RC3H1: variants seen among roughly 807,000 people sequenced by gnomAD.
The protein encoded by RC3H1 is roquin-1.
In RC3H1, 50 loss-of-function variants were observed where a neutral mutation model predicts 138.2. That is an observed-to-expected ratio of 0.36 (90% CI 0.29 to 0.46). The LOEUF (loss-of-function observed/expected upper bound fraction) is 0.46, where lower values mean the gene tolerates loss of function less well. RC3H1 is among the 20% of genes least tolerant of loss of function. RC3H1 has a pLI of 1.00. For missense variants in RC3H1, 1,031 were observed against 1,388.1 expected (o/e 0.74, Z 4.09); for synonymous variants, 462 against 489.1 (o/e 0.94, Z 0.73).
In RC3H1 at chr1:173,961,916, C is replaced by A. The variant is rs761244762; in HGVS notation, c.2011G>T (p.Asp671Tyr). 1 of 1,614,066 alleles carries A rather than the reference C, an allele frequency of 6.2e-7. No homozygotes were observed. Among genetic ancestry groups the A allele is most frequent in the South Asian group, 1.1e-5 (1 of 91,076 alleles). Residue 671 changes from aspartate to tyrosine, a missense_variant, in exon 12 of 20, where the codon GAT (aspartate) becomes TAT (tyrosine). Physicochemically the swap from Asp to Tyr is radical, Grantham distance 160. Around this residue, in one of 7 missense-constraint regions of RC3H1, gnomAD observed 716 missense variants for 837.9 expected, o/e 0.85. Transcript: ENST00000367696. The stretch of plus-strand genomic sequence containing the variant: ...GGAGCAGGGTACACTCGACGGCCAT[C>A]ATAGTGAGATGGGTATATAGGTGGG... ...QYPPIYPSHY[D>Y]GRRVYPAPSY...
chr1:174,015,412 G>C (rs149228089), intron 1 of RC3H1, among the ~76,000 whole-genome samples: 1,806 of 151,420 alleles, frequency 0.012, 43 homozygotes, highest in African/African-American at 0.042. Context: ...GCCCAGGCTG[G>C]AGTGCAGTGG....
chr1:173,983,345 T>G, intron 4 of RC3H1, 73 bp downstream of exon 4: 1 of 1,540,162 alleles, frequency 6.5e-7, no homozygotes, highest in African/African-American at 1.4e-5. Context: ...CTAGGCTTTG[T>G]ACATCACTTA....
chr1:173,956,041 G>C (rs1659629823), intron 13 of RC3H1, among the ~76,000 whole-genome samples: 2 of 148,412 alleles, frequency 1.3e-5, no homozygotes, highest in African/African-American at 5.1e-5. Flanking sequence ...TGAAGCAGGA[G>C]AATCACTTGA....
chr1:173,960,696 A>G (rs1659834025), intron 13 of RC3H1, among the ~76,000 whole-genome samples: 1 of 152,208 alleles, frequency 6.6e-6, no homozygotes, highest in South Asian at 2.1e-4. Context: ...ACATATTGAG[A>G]CTTATTATAA....
At chr1:173,948,559 C>T (rs1659237143) in intron 14 of RC3H1, among the ~76,000 whole-genome samples, 1 of 152,110 alleles carries the variant, frequency 6.6e-6, no homozygotes, top group Admixed American at 6.5e-5. Context: ...AGACTTCTTT[C>T]ACCTATTTGG....
intron 2 of RC3H1, among the ~76,000 whole-genome samples, chr1:173,989,138 T>C (rs1179033657): frequency 6.6e-6 from 1 of 152,232 alleles, no homozygotes; most frequent in East Asian, 1.9e-4. Flanking sequence ...GCTCAGATGA[T>C]GCTGCCACCT....
At chr1:173,962,499 C>T (rs1389715110) in intron 11 of RC3H1, among the ~76,000 whole-genome samples, 1 of 152,172 alleles carries the variant, frequency 6.6e-6, no homozygotes, top group Non-Finnish European at 1.5e-5. Context: ...CACAAAAGGC[C>T]AATTTTGCTG....
At chr1:174,021,389 T>C (rs961448968) in intron 1 of RC3H1, among the ~76,000 whole-genome samples, 8 of 152,226 alleles carry the variant, frequency 5.3e-5, no homozygotes, top group South Asian at 2.1e-4. Context: ...CTGATGTTTA[T>C]AGAACTGATA....
chr1:173,964,096 C>T lies in RC3H1; in HGVS notation c.1708G>A (p.Val570Ile). The T allele has an allele frequency of 6.2e-7, 1 of 1,614,086 alleles. No individual in the cohort carries two copies. Among genetic ancestry groups the T allele is most frequent in the Non-Finnish European group, 8.5e-7 (1 of 1,180,002 alleles). Residue 570 changes from valine (V) to isoleucine (I), a missense_variant, in exon 11 of 20, where the codon GTT becomes ATT. Physicochemically the swap from Val to Ile is conservative, Grantham distance 29 (BLOSUM62 3). Transcript: ENST00000367696. Reference protein sequence around the residue: ...RGPADLPPMPVTKPLQMVPRG... With the variant: ...RGPADLPPMPITKPLQMVPRG... ...GGTACCATCTGAAGTGGTTTGGTAACAGGCATTGGAGGCAGATCTGCTGGC... is the reference window on the plus strand; with the variant it reads ...GGTACCATCTGAAGTGGTTTGGTAATAGGCATTGGAGGCAGATCTGCTGGC...
intron 5 of RC3H1, among the ~76,000 whole-genome samples, chr1:173,982,020 A>T (rs772886584): frequency 4.6e-5 from 7 of 152,234 alleles, no homozygotes; most frequent in Non-Finnish European, 8.8e-5. Context: ...TTACCATATA[A>T]ACTGAAATGG....
intron 1 of RC3H1, among the ~76,000 whole-genome samples, chr1:174,007,249 G>A (rs1357554542): frequency 6.6e-6 from 1 of 152,004 alleles, no homozygotes; most frequent in Non-Finnish European, 1.5e-5. Flanking sequence ...AATTAGCCGG[G>A]CGTGGTGGCG....
chr1:173,980,794 C>CA lies in RC3H1; in HGVS notation c.969+14dup. The CA allele has an allele frequency of 6.2e-7, 1 of 1,601,210 alleles. No individual in the cohort carries two copies. The highest frequency in any genetic ancestry group is 8.5e-7 in the Non-Finnish European group (1 of 1,170,234). On this transcript the variant is annotated intron_variant, in intron 6 of 19. Coordinates refer to ENST00000367696, the MANE Select transcript of RC3H1 (RefSeq NM_172071.4). ...CAAGATTAGTCTAAGAAGTAAGGAA[C>CA]AAAAAAGGTCCTACCTTGTCAATAA...
At chr1:173,973,833 A>G (rs956004448) in intron 7 of RC3H1, among the ~76,000 whole-genome samples, 2 of 152,224 alleles carry the variant, frequency 1.3e-5, no homozygotes, top group Non-Finnish European at 2.9e-5. Flanking sequence ...AAGTATTCAA[A>G]AAAGTAGTTT....
intron 17 of RC3H1, among the ~76,000 whole-genome samples, chr1:173,944,544 T>C (rs776761849): frequency 6.6e-6 from 1 of 152,148 alleles, no homozygotes; most frequent in Non-Finnish European, 1.5e-5. Context: ...GTTGTGCACA[T>C]GTACCCTAGA....
intron 9 of RC3H1, 37 bp from the exon 10 acceptor site, chr1:173,965,157 T>C: frequency 1.9e-6 from 3 of 1,555,136 alleles, no homozygotes; most frequent in Non-Finnish European, 2.6e-6. Flanking sequence ...AAAAAGCAAA[T>C]ATAAAAGCAA....
At chr1:174,012,784 CA>C (rs11397475) in intron 1 of RC3H1, among the ~76,000 whole-genome samples, 163 of 112,712 alleles carry the variant, frequency 1.4e-3, no homozygotes, top group Non-Finnish European at 1.6e-3. Flanking sequence ...GACTCTGTCT[CA>C]AAAAAAAAAA....
In RC3H1 at chr1:173,964,099, G is replaced by C; in HGVS notation, c.1705C>G (p.Pro569Ala). The C allele has an allele frequency of 6.2e-7, 1 of 1,614,092 alleles. No homozygotes were observed. The highest frequency in any genetic ancestry group is 8.5e-7 in the Non-Finnish European group (1 of 1,179,972). Reference sequence around the variant, plus strand: ...ACCATCTGAAGTGGTTTGGTAACAGGCATTGGAGGCAGATCTGCTGGCCCC... The same window carrying C: ...ACCATCTGAAGTGGTTTGGTAACAGCCATTGGAGGCAGATCTGCTGGCCCC... The part of the protein sequence containing the change: ...PRGPADLPPM[P>A]VTKPLQMVPR... The change falls in exon 11 of 20, where the codon CCT becomes GCT. Residue 569 changes from proline (P) to alanine (A), a missense_variant. By Grantham distance (27) the Pro-to-Ala change is conservative. Transcript: ENST00000367696.
rs60259705 is a variant in RC3H1 at position 173,950,420 on chromosome 1, C to CAAAAAAAAAAAAAAAAAAAAAAAAAAAAA, written c.2523+1565_2523+1566insTTTTTTTTTTTTTTTTTTTTTTTTTTTTT. 6.3e-5 allele frequency among the ~76,000 whole-genome samples: 4 copies of CAAAAAAAAAAAAAAAAAAAAAAAAAAAAA among 63,658 alleles called. 1 individual carries two copies. Among genetic ancestry groups the CAAAAAAAAAAAAAAAAAAAAAAAAAAAAA allele is most frequent in the African/African-American group, 2.1e-4 (3 of 14,404 alleles). 41.8% of individuals were successfully genotyped at this position (63,658 alleles called of 152,430 possible). A position where few individuals can be genotyped will look rare whatever the true frequency, so the allele number is the denominator to read the frequency against. On this transcript the variant is annotated intron_variant, in intron 14 of 19. Coordinates refer to ENST00000367696, the MANE Select transcript of RC3H1 (RefSeq NM_172071.4). ...CAACATAGCAAGACCTCATCTCTAC[C>CAAAAAAAAAAAAAAAAAAAAAAAAAAAAA]AAAAAAAAAAAAAAAAAAAAAGAGC... is the stretch of plus-strand genomic sequence containing the variant.
At position 174,022,042 on chromosome 1, in the gene RC3H1, AGGCCCC is replaced by A; in HGVS notation, c.-151+48_-151+53del. On this transcript the variant is annotated intron_variant, in intron 1 of 19. Coordinates refer to ENST00000367696, the MANE Select transcript of RC3H1 (RefSeq NM_172071.4). This position sits in a 1 kb window ranked among gnomAD's most constrained non-coding sequence, Gnocchi z 4.2. ...CACAGCTGCCTATTGTTCCCGACTG[AGGCCCC>A]GGCCGCGGCAGCCCCGCTCCCCAAG... 1 of 393,610 alleles carries A rather than the reference AGGCCCC, an allele frequency of 2.5e-6. No homozygotes were observed. The highest frequency in any genetic ancestry group is 4.5e-6 in the Non-Finnish European group (1 of 223,308). The allele number at this position is 393,610 out of a possible 1,614,324, so 24.4% of individuals were successfully genotyped here. A position where few individuals can be genotyped will look rare whatever the true frequency, so the allele number is the denominator to read the frequency against.
Sources: gnomAD v4.1 joint callset for allele counts (sites outside exome capture counted in the v4.1 genomes callset) on GRCh38, gnomAD v4.1.1 for gene constraint, gnomAD v4.1.1 regional missense constraint, Gnocchi (gnomAD v3.1) non-coding constraint, MANE v1.5 for transcripts, NCBI Gene and HGNC (gene_info 2026-07-23, HGNC 2026-07-21) for gene names.